Variants in ITGAE observed in about 807,000 individuals in gnomAD.
ITGAE encodes integrin subunit alpha E, also known as integrin alpha-E.
ITGAE carries 99 observed loss-of-function variants against 136.5 expected under a neutral mutation model. The observed-to-expected ratio is 0.73, with a 90% confidence interval of 0.62 to 0.86. The LOEUF is 0.86. Ranked by LOEUF, ITGAE falls within the 40% of genes least tolerant of loss-of-function variation. The probability of loss-of-function intolerance (pLI) is 0.00; values close to 1 mark genes in which losing one functional copy is unlikely to be tolerated. For missense variants in ITGAE, 1,447 were observed against 1,515.3 expected, an observed-to-expected ratio of 0.95 and a Z score of 0.75; for synonymous variants, 613 against 591.8, an observed-to-expected ratio of 1.04 and a Z score of -0.52.
Position 3,745,844 on chromosome 17 carries a change from T to C in ITGAE, c.2239A>G (p.Ser747Gly), listed in dbSNP as rs761583748. 9 of 1,614,082 alleles carry C rather than the reference T, an allele frequency of 5.6e-6. No homozygotes were observed. The highest frequency in any genetic ancestry group is 2.7e-5 in the African/African-American group (2 of 75,014). ...RRRLQCSDVR[S>G]CLGCLREWSS... ...CACTCCCTCAGGCAGCCCAGACAGCTTCTTACGTCTGAACACTGCAGCCGT... is the reference window on the plus strand; with the variant it reads ...CACTCCCTCAGGCAGCCCAGACAGCCTCTTACGTCTGAACACTGCAGCCGT... The change falls in exon 18 of 31, where the codon AGC becomes GGC. Residue 747 changes from serine (S) to glycine (G), a missense_variant. Physicochemically the swap from Ser to Gly is moderately conservative, Grantham distance 56. Around this residue, in one of 3 missense-constraint regions of ITGAE, gnomAD observed 1,031 missense variants for 1,011.4 expected, o/e 1.02. Coordinates refer to ENST00000263087, the MANE Select transcript of ITGAE (RefSeq NM_002208.5).
intron 1 of ITGAE, among the ~76,000 whole-genome samples, chr17:3,783,764 T>C (rs967538353): frequency 2.0e-5 from 3 of 152,194 alleles, no homozygotes; most frequent in Admixed American, 6.6e-5. Context: ...AGCTTCTGTA[T>C]AAGGAAGGGA....
intron 17 of ITGAE, among the ~76,000 whole-genome samples, chr17:3,747,657 G>T (rs1362942867): frequency 6.6e-6 from 1 of 152,018 alleles, no homozygotes; most frequent in Non-Finnish European, 1.5e-5. Context: ...CTGAGGAAGG[G>T]CCCCAGTGTC....
chr17:3,724,619 C>T (rs1165588606), intron 26 of ITGAE: 2 of 1,614,152 alleles, frequency 1.2e-6, no homozygotes, highest in Admixed American at 3.3e-5. Flanking sequence ...CAGGAGGAGC[C>T]AAGGACACCA....
chr17:3,764,316 C>T (rs977156759), intron 2 of ITGAE, among the ~76,000 whole-genome samples: 5 of 152,192 alleles, frequency 3.3e-5, no homozygotes, highest in Admixed American at 2.0e-4. Context: ...CTGGCTTCCT[C>T]GTGGGCCACC....
rs368909770 is a variant in ITGAE at position 3,773,307 on chromosome 17, T to C, written c.155+4233A>G. Among the ~76,000 whole-genome samples, 854 of 149,490 alleles carry C rather than the reference T, an allele frequency of 5.7e-3. 11 individuals carry two copies. The highest frequency in any genetic ancestry group is 0.019 in the African/African-American group (772 of 41,330). ...GAGTTCGAGACCAGCCTGGCCAACA[T>C]TGGTGAAACCCCGTCTCTACTAAAA... On this transcript the variant is annotated intron_variant, in intron 2 of 30. Coordinates refer to ENST00000263087, the MANE Select transcript of ITGAE (RefSeq NM_002208.5).
chr17:3,748,342 T>C (rs1202158729), intron 16 of ITGAE, among the ~76,000 whole-genome samples: 2 of 152,094 alleles, frequency 1.3e-5, no homozygotes, highest in Non-Finnish European at 2.9e-5. Context: ...ATCCCAGCAC[T>C]TGGGAGGCCG....
chr17:3,722,714 G>C (rs1222588889), intron 28 of ITGAE, among the ~76,000 whole-genome samples: 1 of 152,168 alleles, frequency 6.6e-6, no homozygotes, highest in Non-Finnish European at 1.5e-5. Flanking sequence ...GAATTAAGCA[G>C]AGACCAGATC....
chr17:3,750,806 T>C (rs898501976), intron 15 of ITGAE, among the ~76,000 whole-genome samples: 2 of 149,398 alleles, frequency 1.3e-5, no homozygotes, highest in Admixed American at 1.3e-4. Context: ...ATGTGGGGCT[T>C]GGGGATGGGG....
rs546942293 is a variant in ITGAE, at chr17:3,784,009, C to T, written c.35-6349G>A. ...GGCGCGGCGGCTCACGCCTGTAATC[C>T]CAGCACTTTGGGAGGCCGAGGCGGG... On this transcript the variant is annotated intron_variant, in intron 1 of 30. Coordinates refer to ENST00000263087, the MANE Select transcript of ITGAE (RefSeq NM_002208.5). 5.1e-3 allele frequency among the ~76,000 whole-genome samples: 776 copies of T among 152,306 alleles called. 5 individuals carry two copies. The highest frequency in any genetic ancestry group is 0.018 in the African/African-American group (732 of 41,566).
At chr17:3,734,348 C>T (rs1387975534) in intron 21 of ITGAE, among the ~76,000 whole-genome samples, 1 of 152,226 alleles carries the variant, frequency 6.6e-6, no homozygotes, top group Non-Finnish European at 1.5e-5. Flanking sequence ...GCTGGGATTA[C>T]AGGTGTGAGC....
intron 2 of ITGAE, among the ~76,000 whole-genome samples, chr17:3,770,641 G>A (rs1259726942): frequency 1.3e-5 from 2 of 152,174 alleles, no homozygotes; most frequent in East Asian, 1.9e-4. Context: ...CAGCAGGCCC[G>A]TGGTCTCAGG....
Position 3,761,020 on chromosome 17 carries a change from C to T in ITGAE, c.591G>A (p.Glu197=). Residue 197 remains glutamate (E), a synonymous_variant, in exon 6 of 31, where the codon GAG becomes GAA. Coordinates refer to ENST00000263087, the MANE Select transcript of ITGAE (RefSeq NM_002208.5). The part of the protein sequence containing the change: ...DKEEEEDEEE[E]EAGTEIAIIL... ...AGATCTGCCTCTTCTCACCAGCTTC[C>T]TCCTCCTCCTCGTCTTCCTCCTCCT... 6.3e-7 allele frequency: 1 copy of T among 1,594,402 alleles called. No individual in the cohort carries two copies. The highest frequency in any genetic ancestry group is 8.5e-7 in the Non-Finnish European group (1 of 1,175,252).
Position 3,772,467 on chromosome 17 carries a change from C to CTTT in ITGAE, c.155+5070_155+5072dup, listed in dbSNP as rs72134638. 3.9e-3 allele frequency among the ~76,000 whole-genome samples: 535 copies of CTTT among 137,424 alleles called. 9 individuals are homozygous for CTTT. The highest frequency in any genetic ancestry group is 0.013 in the African/African-American group (495 of 36,740). The allele number at this position is 137,424 out of a possible 152,430, so 90.2% of individuals were successfully genotyped here. ...CCACTTAAATCTAATGGTGAGCAGA[C>CTTT]TTTTTTTTTTTTTTTTGAGACGGAG... On this transcript the variant is annotated intron_variant, in intron 2 of 30. Transcript: ENST00000263087.
At chr17:3,756,685 G>A (rs960664567) in intron 10 of ITGAE, among the ~76,000 whole-genome samples, 4 of 152,054 alleles carry the variant, frequency 2.6e-5, no homozygotes, top group Admixed American at 6.5e-5. Context: ...GATTATGGGC[G>A]TGAGCCACCA....
chr17:3,767,759 C>T (rs908815733), intron 2 of ITGAE, among the ~76,000 whole-genome samples: 2 of 151,858 alleles, frequency 1.3e-5, no homozygotes, highest in Non-Finnish European at 2.9e-5. Context: ...AGTTGCTGGG[C>T]CTACAGGAGC....
At chr17:3,731,814 T>A (rs564177449) in intron 22 of ITGAE, among the ~76,000 whole-genome samples, 9 of 151,806 alleles carry the variant, frequency 5.9e-5, no homozygotes, top group African/African-American at 2.2e-4. Context: ...GGCTCATGCC[T>A]GTCATCCCAG....
At chr17:3,726,564 G>T (rs747992188) in intron 26 of ITGAE, 24 of 512,084 alleles carry the variant, frequency 4.7e-5, no homozygotes, top group Non-Finnish European at 7.0e-5. Context: ...ACAGTGGCGT[G>T]CGCCTGTAGT....
chr17:3,776,054 CTTTTT>C (rs71153398), intron 2 of ITGAE, among the ~76,000 whole-genome samples: 4 of 122,848 alleles, frequency 3.3e-5, no homozygotes, highest in African/African-American at 9.6e-5. Flanking sequence ...GTGCTAAGCC[CTTTTT>C]TTTTTTTTTT....
At chr17:3,723,455 A>G in intron 27 of ITGAE, 72 bp from the exon 28 acceptor site, 2 of 1,173,468 alleles carry the variant, frequency 1.7e-6, no homozygotes, top group Non-Finnish European at 2.6e-6. Flanking sequence ...AACACTTCGG[A>G]CACAGAGCAT....
Sources: allele counts gnomAD v4.1 joint callset (sites outside exome capture counted in the v4.1 genomes callset), GRCh38; gene constraint gnomAD v4.1.1; regional missense constraint gnomAD v4.1.1; transcripts MANE v1.5; gene names NCBI Gene and HGNC (gene_info 2026-07-23, HGNC 2026-07-21).